PICALM: variants seen among roughly 807,000 people sequenced by gnomAD.
PICALM encodes the protein phosphatidylinositol binding clathrin assembly protein, also known as phosphatidylinositol-binding clathrin assembly protein.
In PICALM, 40 loss-of-function variants were observed where a neutral mutation model predicts 80.5. That is an observed-to-expected ratio of 0.50 (90% confidence interval 0.39 to 0.65). The LOEUF is 0.65. PICALM is among the 30% of genes least tolerant of loss of function. The probability of loss-of-function intolerance (pLI) is 0.00; values close to 1 mark genes in which losing one functional copy is unlikely to be tolerated. For synonymous variants in PICALM, 288 were observed against 260.3 expected, an observed-to-expected ratio of 1.11 and a Z score of -1.02; for missense variants, 676 against 778.9, an observed-to-expected ratio of 0.87 and a Z score of 1.57.
chr11:85,982,409 T>G (rs1373251664), intron 14 of PICALM, among the ~76,000 whole-genome samples: 1 of 130,788 alleles, frequency 7.6e-6, no homozygotes, highest in Non-Finnish European at 1.6e-5. Context: ...CGTTAAGAAA[T>G]AAGATTTTAT....
intron 1 of PICALM, among the ~76,000 whole-genome samples, chr11:86,039,606 A>C (rs2095911966): frequency 1.3e-5 from 2 of 152,158 alleles, no homozygotes; most frequent in African/African-American, 4.8e-5. Flanking sequence ...CTTCCTGAAG[A>C]AGGTAACCTG....
chr11:85,960,562 A>G, intron 19 of PICALM: 1 of 430,344 alleles, frequency 2.3e-6, no homozygotes, highest in Admixed American at 3.0e-5. Flanking sequence ...GAGGAGGAGG[A>G]GAGGGAGCCT....
intron 18 of PICALM, among the ~76,000 whole-genome samples, chr11:85,976,023 G>C (rs1435113390): frequency 6.6e-6 from 1 of 152,116 alleles, no homozygotes; most frequent in Non-Finnish European, 1.5e-5. Flanking sequence ...CAATACCAAG[G>C]GACACGGTAC....
intron 1 of PICALM, among the ~76,000 whole-genome samples, chr11:86,054,843 G>C (rs1290561072): frequency 6.6e-6 from 1 of 151,924 alleles, no homozygotes; most frequent in Non-Finnish European, 1.5e-5. Flanking sequence ...CTCCATGTTG[G>C]TCAGGCTGGT....
At chr11:86,017,140 T>C (rs2095493235) in intron 4 of PICALM, among the ~76,000 whole-genome samples, 1 of 151,768 alleles carries the variant, frequency 6.6e-6, no homozygotes, top group South Asian at 2.1e-4. Flanking sequence ...GGAGAATCGC[T>C]TGAATCTGGA....
chr11:85,984,872 C>A (rs139073981), intron 13 of PICALM, among the ~76,000 whole-genome samples: 1 of 152,028 alleles, frequency 6.6e-6, no homozygotes, highest in East Asian at 1.9e-4. Flanking sequence ...AATTAAAATC[C>A]CCTAAAAATA....
At chr11:85,972,687 A>T (rs1187796910) in intron 19 of PICALM, among the ~76,000 whole-genome samples, 1 of 152,204 alleles carries the variant, frequency 6.6e-6, no homozygotes, top group African/African-American at 2.4e-5. Flanking sequence ...TTTAGCATGG[A>T]CTATAGCTTT....
At chr11:86,021,548 G>A (rs2095563586) in intron 4 of PICALM, among the ~76,000 whole-genome samples, 1 of 148,238 alleles carries the variant, frequency 6.7e-6, no homozygotes, top group African/African-American at 2.5e-5. Context: ...AGTATGGCAA[G>A]AATAGGGAGA....
At chr11:85,999,028 T>C (rs963972445) in intron 11 of PICALM, among the ~76,000 whole-genome samples, 11 of 152,256 alleles carry the variant, frequency 7.2e-5, no homozygotes, top group African/African-American at 2.7e-4. Context: ...TTGTGATACA[T>C]GCATACCATG....
chr11:86,020,554 G>C (rs2095548113), intron 4 of PICALM, among the ~76,000 whole-genome samples: 2 of 151,824 alleles, frequency 1.3e-5, no homozygotes, highest in Admixed American at 6.6e-5. Flanking sequence ...CAACAGAACA[G>C]AACTGCAAGT....
intron 1 of PICALM, among the ~76,000 whole-genome samples, chr11:86,059,138 T>TA (rs1178324807): frequency 6.6e-6 from 1 of 152,212 alleles, no homozygotes; most frequent in Non-Finnish European, 1.5e-5. Context: ...ATAGTCACCA[T>TA]AAAAAATATC....
intron 8 of PICALM, among the ~76,000 whole-genome samples, chr11:86,004,949 C>G (rs2095245917): frequency 6.6e-6 from 1 of 152,198 alleles, no homozygotes; most frequent in Non-Finnish European, 1.5e-5. Context: ...AAGCAAAGCA[C>G]TGTCTTAAGA....
chr11:86,012,164 AC>A, intron 6 of PICALM, 116 bp downstream of exon 6: 1 of 470,424 alleles, frequency 2.1e-6, no homozygotes. Context: ...ATTAACTGTT[AC>A]AATGAATGAA....
At chr11:85,994,267 G>A (rs568248953) in intron 12 of PICALM, among the ~76,000 whole-genome samples, 7 of 152,118 alleles carry the variant, frequency 4.6e-5, no homozygotes, top group Non-Finnish European at 7.4e-5. Context: ...ATTCAATACC[G>A]ACTGCTTGTT....
intron 1 of PICALM, among the ~76,000 whole-genome samples, chr11:86,039,785 C>T (rs1474050938): frequency 3.3e-5 from 5 of 151,896 alleles, no homozygotes; most frequent in African/African-American, 4.8e-5. Context: ...GGGCAGATCA[C>T]GAGGTCAGGA....
intron 19 of PICALM, among the ~76,000 whole-genome samples, chr11:85,967,225 A>G (rs890650314): frequency 1.3e-5 from 2 of 152,236 alleles, no homozygotes; most frequent in African/African-American, 2.4e-5. Context: ...CTTTTCTAGT[A>G]AATGTGAGAC....
At chr11:85,987,568 T>C (rs1462012711) in intron 13 of PICALM, among the ~76,000 whole-genome samples, 1 of 152,236 alleles carries the variant, frequency 6.6e-6, no homozygotes, top group Non-Finnish European at 1.5e-5. Flanking sequence ...TTTTAGTTGA[T>C]GACTACATAA....
At chr11:86,047,715 A>C (rs1053092270) in intron 1 of PICALM, among the ~76,000 whole-genome samples, 2 of 152,218 alleles carry the variant, frequency 1.3e-5, no homozygotes, top group Non-Finnish European at 2.9e-5. Context: ...ATGAAAATAT[A>C]ACTCTGATGA....
chr11:86,025,323 C>T (rs188311246), intron 3 of PICALM, among the ~76,000 whole-genome samples: 224 of 151,954 alleles, frequency 1.5e-3, no homozygotes, highest in African/African-American at 5.1e-3. Flanking sequence ...TCGCTTGAAC[C>T]CGGGAGGCGG....
Sources: allele counts gnomAD v4.1 joint callset (sites outside exome capture counted in the v4.1 genomes callset), GRCh38; gene constraint gnomAD v4.1.1; transcripts MANE v1.5; gene names NCBI Gene and HGNC (gene_info 2026-07-23, HGNC 2026-07-21).